KIF22: variants seen among roughly 807,000 people sequenced by gnomAD.
KIF22 encodes the protein kinesin family member 22.
KIF22 carries 62 observed loss-of-function variants against 73.0 expected under a neutral mutation model. That is an observed-to-expected ratio of 0.85 (90% CI 0.69 to 1.05). The LOEUF (loss-of-function observed/expected upper bound fraction) is 1.05, where lower values mean the gene tolerates loss of function less well. KIF22 is among the 50% of genes least tolerant of loss of function. The probability of loss-of-function intolerance (pLI) is 0.00; values close to 1 mark genes in which losing one functional copy is unlikely to be tolerated. For synonymous variants in KIF22, 411 were observed against 340.1 expected (o/e 1.21, Z -2.29); for missense variants, 854 against 870.1 (o/e 0.98, Z 0.23).
chr16:29,805,338 A>C lies in KIF22; in HGVS notation c.*28A>C, dbSNP rs960507046. On this transcript the variant is annotated 3_prime_UTR_variant, in exon 14 of 14. Transcript: ENST00000160827. ...GTCGTCTCCTCACTCCGCCTTTTCA[A>C]ATTTTTGTATAACCCCGTGTTGTGT... 1.9e-6 allele frequency: 3 copies of C among 1,607,762 alleles called. No homozygotes were observed.
Position 29,798,306 on chromosome 16 carries a change from C to G in KIF22, c.267-68C>G. The G allele has an allele frequency of 7.1e-7, 1 of 1,403,600 alleles. No homozygotes were observed. The highest frequency in any genetic ancestry group is 9.4e-7 in the Non-Finnish European group (1 of 1,063,394). The allele number at this position is 1,403,600 out of a possible 1,614,324, so 86.9% of individuals were successfully genotyped here. A position where few individuals can be genotyped will look rare whatever the true frequency, so the allele number is the denominator to read the frequency against. ...TCCCTTACCCACCCCCACCCCACTC[C>G]ACCCCTTACACACACACACACACAC... On this transcript the variant is annotated intron_variant, in intron 2 of 13. Coordinates refer to ENST00000160827, the MANE Select transcript of KIF22 (RefSeq NM_007317.3). The surrounding 1 kb of genome is among the most constrained non-coding windows in gnomAD (Gnocchi z 4.1).
Position 29,803,442 on chromosome 16 carries a change from C to G in KIF22, c.1450-7C>G, listed in dbSNP as rs1466449377. Reference sequence around the variant, plus strand: ...CTGGATCACATCTCCCTGATCCTTTCCAACAGAGGCTTAAGACGAAGCAAA... The same window carrying G: ...CTGGATCACATCTCCCTGATCCTTTGCAACAGAGGCTTAAGACGAAGCAAA... On this transcript the variant is annotated splice_polypyrimidine_tract_variant and splice_region_variant and intron_variant, in intron 9 of 13. Coordinates refer to ENST00000160827, the MANE Select transcript of KIF22 (RefSeq NM_007317.3). 6.2e-7 allele frequency: 1 copy of G among 1,613,716 alleles called. No individual in the cohort carries two copies. The highest frequency in any genetic ancestry group is 1.3e-5 in the African/African-American group (1 of 74,880).
intron 11 of KIF22, 103 bp from the exon 12 acceptor site, chr16:29,804,711 G>A: frequency 1.1e-6 from 1 of 892,906 alleles, no homozygotes; most frequent in Non-Finnish European, 1.8e-6. Context: ...GAGAGGAAGA[G>A]GCTGGAGCGC....
In KIF22 at chr16:29,798,434, G is replaced by C; in HGVS notation, c.327G>C (p.Gln109His). The part of the protein sequence containing the change: ...TQQDIYAGSV[Q>H]PILRHLLEGQ... ...AGGACATCTATGCAGGTTCAGTGCA[G>C]CCCATCCTAAGGCACTTGCTGGAAG... The change falls in exon 3 of 14, where the codon CAG (glutamine) becomes CAC (histidine). Residue 109 changes from glutamine to histidine, a missense_variant. Gln to His is a conservative substitution (Grantham distance 24). Around this residue, in one of 3 missense-constraint regions of KIF22, gnomAD observed 186 missense variants for 152.9 expected, o/e 1.22. Transcript: ENST00000160827. This position sits in a 1 kb window ranked among gnomAD's most constrained non-coding sequence, Gnocchi z 4.1. The C allele has an allele frequency of 6.2e-7, 1 of 1,614,068 alleles. No homozygotes were observed. Among genetic ancestry groups the C allele is most frequent in the Non-Finnish European group, 8.5e-7 (1 of 1,180,040 alleles).
At chr16:29,804,550 T>C (rs1899278214) in intron 11 of KIF22, 4 of 676,786 alleles carry the variant, frequency 5.9e-6, no homozygotes, top group Non-Finnish European at 1.1e-5. Context: ...GTGCTTTACA[T>C]TCATTAACTC....
intron 1 of KIF22, among the ~76,000 whole-genome samples, chr16:29,794,348 T>C (rs1016888018): frequency 6.6e-6 from 1 of 152,156 alleles, no homozygotes; most frequent in African/African-American, 2.4e-5. Flanking sequence ...TTCTAAGCAC[T>C]TTTACATGAA....
chr16:29,794,469 C>G (rs1311643806), intron 1 of KIF22, among the ~76,000 whole-genome samples: 1 of 152,196 alleles, frequency 6.6e-6, no homozygotes, highest in Non-Finnish European at 1.5e-5. Flanking sequence ...GGTTACTTAG[C>G]TAGCTGTAAA....
chr16:29,796,141 G>A (rs1328854365), intron 1 of KIF22, among the ~76,000 whole-genome samples: 1 of 151,722 alleles, frequency 6.6e-6, no homozygotes, highest in East Asian at 1.9e-4. Context: ...AGTGGTGTTG[G>A]GGACCTGTAA....
chr16:29,803,740 C>A, intron 10 of KIF22, 132 bp downstream of exon 10: 1 of 828,184 alleles, frequency 1.2e-6, no homozygotes, highest in Non-Finnish European at 1.9e-6. Context: ...GGTGAGGAGG[C>A]TCTGAGGCAG....
rs1207675841 is a variant in KIF22, at chr16:29,805,120, G to A, written c.1896G>A (p.Glu632=). 1.9e-6 allele frequency: 3 copies of A among 1,613,622 alleles called. No individual in the cohort carries two copies. Among genetic ancestry groups the A allele is most frequent in the African/African-American group, 1.3e-5 (1 of 74,924 alleles). The part of the protein sequence containing the change: ...RELHGPFSQV[E]DLERVEGITG... Reference sequence around the variant, plus strand: ...TATCGATCCTGTCCCGCCAGGTGGAGGACCTGGAACGCGTGGAGGGCATAA... The same window carrying A: ...TATCGATCCTGTCCCGCCAGGTGGAAGACCTGGAACGCGTGGAGGGCATAA... The change falls in exon 13 of 14, where the codon GAG becomes GAA. Residue 632 remains glutamate, a synonymous_variant. Coordinates refer to ENST00000160827, the MANE Select transcript of KIF22 (RefSeq NM_007317.3).
intron 1 of KIF22, among the ~76,000 whole-genome samples, chr16:29,792,972 T>C (rs1432380993): frequency 6.6e-6 from 1 of 152,146 alleles, no homozygotes; most frequent in Admixed American, 6.5e-5. Context: ...AGTGGACTTG[T>C]TCAAGAGAGA....
chr16:29,803,747 G>A (rs1051146664), intron 10 of KIF22, 139 bp downstream of exon 10: 3 of 788,478 alleles, frequency 3.8e-6, no homozygotes, highest in Non-Finnish European at 6.1e-6. Context: ...AGGCTCTGAG[G>A]CAGTGCTGGG....
At chr16:29,795,340 C>T (rs1008027535) in intron 1 of KIF22, among the ~76,000 whole-genome samples, 5 of 152,152 alleles carry the variant, frequency 3.3e-5, no homozygotes, top group South Asian at 2.1e-4. Flanking sequence ...TGAAACAGCC[C>T]GTCTGCTTAT....
At chr16:29,796,294 C>A (rs1033928895) in intron 1 of KIF22, among the ~76,000 whole-genome samples, 3 of 142,044 alleles carry the variant, frequency 2.1e-5, no homozygotes, top group East Asian at 2.1e-4. Flanking sequence ...AACACACACA[C>A]ACACACACAC....
rs538937738 is a variant in KIF22 at position 29,804,447 on chromosome 16, A to G, written c.1678-367A>G. On this transcript the variant is annotated intron_variant, in intron 11 of 13. Transcript: ENST00000160827. ...AACTGAGATGGTTGGGGGAGGTATC[A>G]TTTATTCATATTACTTTCTCCCATG... 1.3e-4 allele frequency: 80 copies of G among 631,046 alleles called. No individual in the cohort carries two copies. The South Asian group carries it at 1.3e-3, about 10-fold the overall frequency. 39.1% of individuals were successfully genotyped at this position (631,046 alleles called of 1,614,324 possible).
chr16:29,804,880 C>T lies in KIF22; in HGVS notation c.1744C>T (p.Pro582Ser). 2 of 1,613,930 alleles carry T rather than the reference C, an allele frequency of 1.2e-6. No individual in the cohort carries two copies. The highest frequency in any genetic ancestry group is 1.7e-6 in the Non-Finnish European group (2 of 1,179,980). The change falls in exon 12 of 14, where the codon CCG (proline) becomes TCG (serine). Residue 582 changes from proline to serine, a missense_variant. Around this residue, in one of 3 missense-constraint regions of KIF22, gnomAD observed 423 missense variants for 365.4 expected, o/e 1.16. Transcript: ENST00000160827. ...GGACTGCTGGGAGCTACAGATCAGC[C>T]CGGAGCTACTGGCTCATGGGCGCCA... ...AEDCWELQIS[P>S]ELLAHGRQKI...
chr16:29,805,091 C>T (rs760702837), intron 12 of KIF22, 24 bp from the exon 13 acceptor site: 2 of 1,613,486 alleles, frequency 1.2e-6, no homozygotes, highest in South Asian at 1.1e-5. Flanking sequence ...GAGACCCTGT[C>T]CCCTATCGAT....
intron 1 of KIF22, among the ~76,000 whole-genome samples, chr16:29,794,906 A>G (rs149138805): frequency 6.6e-6 from 1 of 152,216 alleles, no homozygotes; most frequent in Non-Finnish European, 1.5e-5. Context: ...GCCCACCCCC[A>G]ACCTTATTTT....
At chr16:29,802,316 AGAG>A (rs1171137014) in intron 8 of KIF22, among the ~76,000 whole-genome samples, 1 of 150,588 alleles carries the variant, frequency 6.6e-6, no homozygotes, top group African/African-American at 2.4e-5. Context: ...TACCGTGCTC[AGAG>A]TCAGTCAGGA....
Sources: allele counts gnomAD v4.1 joint callset (sites outside exome capture counted in the v4.1 genomes callset), GRCh38; gene constraint gnomAD v4.1.1; regional missense constraint gnomAD v4.1.1; non-coding constraint Gnocchi (gnomAD v3.1); transcripts MANE v1.5; gene names NCBI Gene and HGNC (gene_info 2026-07-23, HGNC 2026-07-21).